TENM3: variants seen among roughly 807,000 people sequenced by gnomAD.
TENM3 encodes teneurin transmembrane protein 3, also known as teneurin-3.
In TENM3, 63 loss-of-function variants were observed where a neutral mutation model predicts 255.1. The observed-to-expected ratio is 0.25, with a 90% CI of 0.20 to 0.30. The LOEUF is 0.30. Ranked by LOEUF, TENM3 falls within the 10% of genes least tolerant of loss-of-function variation. TENM3 has a pLI of 1.00. For missense variants in TENM3, 2,929 were observed against 3,461.1 expected (o/e 0.85, Z 3.86); for synonymous variants, 1,306 against 1,322.3 (o/e 0.99, Z 0.27).
chr4:182,696,496 G>GCTA (rs1757428107), intron 12 of TENM3, among the ~76,000 whole-genome samples: 1 of 152,172 alleles, frequency 6.6e-6, no homozygotes, highest in Admixed American at 6.5e-5. Context: ...GGAGGCCAAG[G>GCTA]CGGGTAGATC....
intron 12 of TENM3, among the ~76,000 whole-genome samples, chr4:182,700,300 T>C (rs1396211245): frequency 6.6e-6 from 1 of 152,244 alleles, no homozygotes; most frequent in Non-Finnish European, 1.5e-5. Flanking sequence ...TGATTATCCC[T>C]TCCCACATGG....
chr4:181,772,035 G>A, the TENM3 span, among the ~76,000 whole-genome samples: 14 of 152,248 alleles, frequency 9.2e-5, no homozygotes, highest in African/African-American at 2.6e-4. Flanking sequence ...AGCACAACAC[G>A]TACTGTATAA....
the TENM3 span, among the ~76,000 whole-genome samples, chr4:182,105,996 C>A: frequency 6.6e-6 from 1 of 152,236 alleles, no homozygotes; most frequent in East Asian, 1.9e-4. Context: ...AAACCTCCTA[C>A]TCTAAATCGT....
At chr4:182,529,240 A>ATT (rs1739533568) in intron 3 of TENM3, among the ~76,000 whole-genome samples, 1 of 152,198 alleles carries the variant, frequency 6.6e-6, no homozygotes, top group Non-Finnish European at 1.5e-5. Flanking sequence ...GAACATTAGG[A>ATT]ACGCTGGTGT....
At chr4:181,834,416 C>T in the TENM3 span, among the ~76,000 whole-genome samples, 2 of 152,206 alleles carry the variant, frequency 1.3e-5, no homozygotes, top group Admixed American at 6.5e-5. Context: ...TGGGCTTAAT[C>T]ACCAGTATTC....
At chr4:181,864,360 G>T in the TENM3 span, among the ~76,000 whole-genome samples, 4 of 152,224 alleles carry the variant, frequency 2.6e-5, no homozygotes, top group East Asian at 5.8e-4. Flanking sequence ...GCTGTTCCCA[G>T]ATGGAGATTT....
the TENM3 span, among the ~76,000 whole-genome samples, chr4:181,474,508 G>A: frequency 4.6e-5 from 7 of 151,918 alleles, no homozygotes; most frequent in African/African-American, 1.7e-4. Context: ...AGGCTAGGCA[G>A]GCGAATCATG....
At chr4:182,734,164 G>A (rs1579284983) in intron 16 of TENM3, among the ~76,000 whole-genome samples, 1 of 152,214 alleles carries the variant, frequency 6.6e-6, no homozygotes, top group Admixed American at 6.5e-5. Context: ...GCCAAAGAAG[G>A]AATCACTGAG....
the TENM3 span, among the ~76,000 whole-genome samples, chr4:181,480,192 T>A: frequency 6.6e-6 from 1 of 152,146 alleles, no homozygotes; most frequent in Non-Finnish European, 1.5e-5. Context: ...GTTTATTTTT[T>A]TCTCTTTTCT....
At chr4:181,805,557 G>A in the TENM3 span, among the ~76,000 whole-genome samples, 13 of 151,802 alleles carry the variant, frequency 8.6e-5, 1 homozygote, top group East Asian at 2.2e-3. Context: ...TGTTCTCAAC[G>A]TTCAACTGAT....
chr4:182,234,339 G>A (rs935273556), intron 1 of TENM3, among the ~76,000 whole-genome samples: 1 of 152,126 alleles, frequency 6.6e-6, no homozygotes, highest in African/African-American at 2.4e-5. Flanking sequence ...CACACCTACT[G>A]CTAGTAATTA....
chr4:181,697,937 A>AGGCCG, the TENM3 span, among the ~76,000 whole-genome samples: 1 of 152,002 alleles, frequency 6.6e-6, no homozygotes, highest in Non-Finnish European at 1.5e-5. Context: ...TGTGTTGGCC[A>AGGCCG]GGCATGGTGG....
the TENM3 span, among the ~76,000 whole-genome samples, chr4:181,722,898 C>G: frequency 1.3e-5 from 2 of 152,092 alleles, no homozygotes; most frequent in Non-Finnish European, 2.9e-5. Context: ...GCACAGGACT[C>G]ATTGTGTGTA....
At chr4:182,374,554 C>A (rs1214160607) in intron 3 of TENM3, among the ~76,000 whole-genome samples, 1 of 152,200 alleles carries the variant, frequency 6.6e-6, no homozygotes, top group Non-Finnish European at 1.5e-5. Context: ...TTTCTTCCCA[C>A]TTACCATTTC....
At chr4:181,758,413 TG>T in the TENM3 span, among the ~76,000 whole-genome samples, 8 of 152,312 alleles carry the variant, frequency 5.3e-5, no homozygotes, top group East Asian at 1.5e-3. Context: ...AAAGATAATG[TG>T]AAGAGGGGAT....
chr4:182,289,701 ATCTTGTATCTGAG>A (rs112467833), intron 1 of TENM3, among the ~76,000 whole-genome samples: 11,026 of 152,180 alleles, frequency 0.072, 754 homozygotes, highest in African/African-American at 0.18. Flanking sequence ...TTAATTGAGA[ATCTTGTATCTGAG>A]TCTTGTATCT....
intron 1 of TENM3, among the ~76,000 whole-genome samples, chr4:182,174,847 G>A (rs1349983627): frequency 1.3e-5 from 2 of 151,840 alleles, no homozygotes. Flanking sequence ...ATGTCTAAAG[G>A]GAAGGGAAAA....
the TENM3 span, among the ~76,000 whole-genome samples, chr4:181,457,504 A>T: frequency 6.6e-6 from 1 of 151,844 alleles, no homozygotes; most frequent in Non-Finnish European, 1.5e-5. Flanking sequence ...AGAATAGTGC[A>T]TTATTGATGT....
chr4:181,883,549 A>G, the TENM3 span, among the ~76,000 whole-genome samples: 19 of 152,074 alleles, frequency 1.2e-4, no homozygotes, highest in Non-Finnish European at 2.9e-5. Flanking sequence ...ATCTCGGCTC[A>G]CTGCAAGCTC....
Sources: gnomAD v4.1 joint callset for allele counts (sites outside exome capture counted in the v4.1 genomes callset) on GRCh38, gnomAD v4.1.1 for gene constraint, MANE v1.5 for transcripts, NCBI Gene and HGNC (gene_info 2026-07-23, HGNC 2026-07-21) for gene names.